The following BOLL variants were observed in gnomAD, a reference collection of about 807,000 sequenced individuals.
BOLL encodes the protein protein boule-like.
Under a neutral mutation model 44.4 loss-of-function variants are expected in BOLL, and 23 were observed. The ratio of observed to expected loss-of-function variants is 0.52; its 90% CI spans 0.37 to 0.73. The LOEUF is 0.73. Ranked by LOEUF, BOLL falls within the 30% of genes least tolerant of loss-of-function variation. The probability of loss-of-function intolerance (pLI) is 0.00; values close to 1 mark genes in which losing one functional copy is unlikely to be tolerated. For missense variants in BOLL, 287 were observed against 338.3 expected, an observed-to-expected ratio of 0.85 and a Z score of 1.19; for synonymous variants, 97 against 110.8, an observed-to-expected ratio of 0.88 and a Z score of 0.78.
At chr2:197,740,460 A>G (rs1687677968) in intron 10 of BOLL, among the ~76,000 whole-genome samples, 1 of 152,132 alleles carries the variant, frequency 6.6e-6, no homozygotes, top group Non-Finnish European at 1.5e-5. Context: ...AGGGAATAGG[A>G]AGAATTCCCT....
At chr2:197,771,656 G>A (rs1689268276) in intron 6 of BOLL, among the ~76,000 whole-genome samples, 199 bp downstream of exon 6, 1 of 152,102 alleles carries the variant, frequency 6.6e-6, no homozygotes, top group East Asian at 1.9e-4. Context: ...GGGGTAAGGA[G>A]AATTGACCTG....
intron 10 of BOLL, among the ~76,000 whole-genome samples, chr2:197,733,963 G>A (rs1468950325): frequency 6.6e-6 from 1 of 152,008 alleles, no homozygotes; most frequent in African/African-American, 2.4e-5. Flanking sequence ...TTGACAAATG[G>A]GATCTAATTA....
intron 10 of BOLL, among the ~76,000 whole-genome samples, chr2:197,736,491 G>A (rs543659069): frequency 4.1e-4 from 62 of 152,112 alleles, no homozygotes; most frequent in African/African-American, 1.5e-3. Flanking sequence ...CTTTATGAAT[G>A]CTAATTTCTT....
At chr2:197,756,263 A>G (rs772780938) in intron 9 of BOLL, among the ~76,000 whole-genome samples, 165 bp downstream of exon 9, 2 of 152,250 alleles carry the variant, frequency 1.3e-5, no homozygotes, top group African/African-American at 4.8e-5. Flanking sequence ...AAAGTCTAAG[A>G]TGATGCATTC....
chr2:197,782,914 AAGTT>A (rs1246443418), intron 1 of BOLL, among the ~76,000 whole-genome samples: 3 of 152,198 alleles, frequency 2.0e-5, no homozygotes, highest in African/African-American at 7.2e-5. Context: ...TCACAATTCT[AAGTT>A]AGAGGACATA....
intron 8 of BOLL, 132 bp from the exon 9 acceptor site, chr2:197,756,688 G>C (rs1688529990): frequency 1.3e-6 from 1 of 744,496 alleles, no homozygotes; most frequent in Middle Eastern, 4.4e-4. Context: ...TAGCACAGAA[G>C]TATCTCAGCA....
intron 6 of BOLL, among the ~76,000 whole-genome samples, chr2:197,769,524 T>A (rs1689141616): frequency 6.6e-6 from 1 of 152,114 alleles, no homozygotes; most frequent in Non-Finnish European, 1.5e-5. Context: ...GAGAAAGAAA[T>A]AAAGGGTATT....
chr2:197,752,997 T>A (rs999337298), intron 9 of BOLL, among the ~76,000 whole-genome samples: 18 of 151,906 alleles, frequency 1.2e-4, no homozygotes, highest in Admixed American at 2.6e-4. Context: ...AGAAATAACA[T>A]CACACATCTA....
intron 9 of BOLL, among the ~76,000 whole-genome samples, chr2:197,744,461 A>T (rs1191843059): frequency 6.6e-6 from 1 of 152,196 alleles, no homozygotes; most frequent in Non-Finnish European, 1.5e-5. Flanking sequence ...GAGGTCAAAT[A>T]AGATAAAAAA....
chr2:197,728,910 T>C (rs561855302), intron 10 of BOLL, among the ~76,000 whole-genome samples: 9 of 152,304 alleles, frequency 5.9e-5, no homozygotes, highest in East Asian at 3.9e-4. Flanking sequence ...TAAAAACTTG[T>C]TTTTAAAAGG....
At chr2:197,757,020 A>G (rs1333935298) in intron 8 of BOLL, among the ~76,000 whole-genome samples, 2 of 152,166 alleles carry the variant, frequency 1.3e-5, no homozygotes, top group Non-Finnish European at 2.9e-5. Context: ...CTGAAGCCAA[A>G]TCCAAATGAA....
chr2:197,742,999 G>A, intron 10 of BOLL, 62 bp downstream of exon 10: 1 of 1,316,396 alleles, frequency 7.6e-7, no homozygotes, highest in Admixed American at 2.6e-5. Flanking sequence ...AGAAGAGAAA[G>A]TTGGAAAACT....
intron 9 of BOLL, among the ~76,000 whole-genome samples, chr2:197,752,416 C>G (rs1688302955): frequency 6.6e-6 from 1 of 152,080 alleles, no homozygotes. Flanking sequence ...ATCTCAGCCC[C>G]AAAACTCCTT....
chr2:197,768,623 C>A (rs1272693414), intron 6 of BOLL, among the ~76,000 whole-genome samples: 1 of 151,002 alleles, frequency 6.6e-6, no homozygotes, highest in Non-Finnish European at 1.5e-5. Context: ...TACATAAATT[C>A]AAGATTTAAG....
At position 197,729,329 on chromosome 2, in the gene BOLL, C is replaced by T. The variant is rs533458524; in HGVS notation, c.829-751G>A. ...GGAGGGTCCTACGCCCACGGAGTCT[C>T]GCTGATTGCTAGCACAGCAGTCTGA... On this transcript the variant is annotated intron_variant, in intron 10 of 10. Transcript: ENST00000392296. Among the ~76,000 whole-genome samples the T allele has an allele frequency of 4.6e-5, 7 of 152,162 alleles. No homozygotes were observed. In the South Asian group the frequency reaches 8.3e-4, roughly 18 times the overall value.
chr2:197,754,693 G>C (rs972492032), intron 9 of BOLL, among the ~76,000 whole-genome samples: 1 of 148,276 alleles, frequency 6.7e-6, no homozygotes, highest in East Asian at 2.0e-4. Context: ...TAGCCTGGGC[G>C]ATGGAGCAAG....
At chr2:197,742,707 TAATGCTA>T (rs1471680099) in intron 10 of BOLL, among the ~76,000 whole-genome samples, 5 of 152,066 alleles carry the variant, frequency 3.3e-5, no homozygotes, top group African/African-American at 1.2e-4. Flanking sequence ...GAGATATGCC[TAATGCTA>T]AATGACGAGT....
chr2:197,781,472 C>T (rs1236155659), intron 2 of BOLL, among the ~76,000 whole-genome samples: 1 of 152,128 alleles, frequency 6.6e-6, no homozygotes, highest in East Asian at 1.9e-4. Context: ...TCTAGTCTCA[C>T]TCTGTCACTA....
intron 10 of BOLL, among the ~76,000 whole-genome samples, chr2:197,742,570 A>G (rs1346472856): frequency 6.6e-6 from 1 of 152,112 alleles, no homozygotes; most frequent in East Asian, 1.9e-4. Context: ...AAGGACAAAA[A>G]ACCAAACACC....
Sources: gnomAD v4.1 joint callset for allele counts (sites outside exome capture counted in the v4.1 genomes callset) on GRCh38, gnomAD v4.1.1 for gene constraint, MANE v1.5 for transcripts, NCBI Gene and HGNC (gene_info 2026-07-23, HGNC 2026-07-21) for gene names.